Variants in GPATCH2 observed in about 807,000 individuals in gnomAD.
The protein encoded by GPATCH2 is G-patch domain containing 2.
In GPATCH2, 51 loss-of-function variants were observed where a neutral mutation model predicts 58.0. The ratio of observed to expected loss-of-function variants is 0.88; its 90% CI spans 0.70 to 1.11. The LOEUF is 1.11. GPATCH2 is among the 50% of genes most tolerant of loss of function. The probability of loss-of-function intolerance (pLI) is 0.00; values close to 1 mark genes in which losing one functional copy is unlikely to be tolerated. For missense variants in GPATCH2, 625 were observed against 652.2 expected (o/e 0.96, Z 0.45); for synonymous variants, 222 against 218.5 (o/e 1.02, Z -0.14).
intron 8 of GPATCH2, among the ~76,000 whole-genome samples, chr1:217,480,124 C>T (rs927683924): frequency 7.2e-5 from 11 of 151,894 alleles, no homozygotes; most frequent in African/African-American, 2.7e-4. Flanking sequence ...GCAACCAAAG[C>T]AAAAATGGAC....
At chr1:217,463,982 T>C (rs1193270740) in intron 8 of GPATCH2, among the ~76,000 whole-genome samples, 4 of 152,134 alleles carry the variant, frequency 2.6e-5, no homozygotes, top group African/African-American at 4.8e-5. Context: ...AGGCACTTAA[T>C]GGTGTGTGAA....
At chr1:217,630,858 G>A in intron 1 of GPATCH2, 58 bp downstream of exon 1, 1 of 1,272,598 alleles carries the variant, frequency 7.9e-7, no homozygotes, top group Non-Finnish European at 1.1e-6. Context: ...CCAGCGGAGC[G>A]GCCTCGGGCA....
chr1:217,529,277 C>T (rs140318001), intron 5 of GPATCH2, among the ~76,000 whole-genome samples: 145 of 152,250 alleles, frequency 9.5e-4, no homozygotes, highest in Middle Eastern at 3.4e-3. Context: ...TTTGTCCCCA[C>T]CAAAACTTAT....
At chr1:217,453,161 C>T (rs549343194) in intron 8 of GPATCH2, among the ~76,000 whole-genome samples, 9 of 152,292 alleles carry the variant, frequency 5.9e-5, no homozygotes, top group Admixed American at 4.6e-4. Context: ...CAAAGCAGAA[C>T]ATTTGGAATA....
At chr1:217,505,962 A>G (rs1168315214) in intron 6 of GPATCH2, among the ~76,000 whole-genome samples, 1 of 152,208 alleles carries the variant, frequency 6.6e-6, no homozygotes, top group Admixed American at 6.5e-5. Context: ...GGTTGGGATT[A>G]CAGGCATGTG....
chr1:217,512,803 T>C (rs1662918782), intron 6 of GPATCH2, among the ~76,000 whole-genome samples: 1 of 152,154 alleles, frequency 6.6e-6, no homozygotes, highest in East Asian at 1.9e-4. Context: ...CAACAAGAAA[T>C]GGGCTGATAA....
chr1:217,618,349 C>T (rs753547152), intron 2 of GPATCH2, among the ~76,000 whole-genome samples: 1 of 151,088 alleles, frequency 6.6e-6, no homozygotes, highest in South Asian at 2.1e-4. Context: ...AGCTGGGACT[C>T]GGCGCACATC....
At chr1:217,512,275 T>G (rs1216363020) in intron 6 of GPATCH2, among the ~76,000 whole-genome samples, 1 of 152,084 alleles carries the variant, frequency 6.6e-6, no homozygotes, top group Non-Finnish European at 1.5e-5. Flanking sequence ...TGAGCCATGA[T>G]AGTGATTGCA....
intron 5 of GPATCH2, among the ~76,000 whole-genome samples, chr1:217,537,014 T>C (rs894470945): frequency 2.0e-5 from 3 of 152,008 alleles, no homozygotes; most frequent in Non-Finnish European, 4.4e-5. Context: ...AACAGACATA[T>C]GAGCTTTGAT....
At chr1:217,556,587 C>T (rs1665635968) in intron 5 of GPATCH2, among the ~76,000 whole-genome samples, 1 of 151,976 alleles carries the variant, frequency 6.6e-6, no homozygotes, top group Admixed American at 6.6e-5. Flanking sequence ...ATGAATATAC[C>T]ACAATTTATC....
intron 5 of GPATCH2, among the ~76,000 whole-genome samples, chr1:217,551,000 T>C (rs896068130): frequency 6.6e-6 from 1 of 151,884 alleles, no homozygotes; most frequent in Non-Finnish European, 1.5e-5. Flanking sequence ...CAGATGATTT[T>C]TCATATGCTT....
chr1:217,566,620 C>T (rs1489570925), intron 5 of GPATCH2, among the ~76,000 whole-genome samples: 2 of 152,140 alleles, frequency 1.3e-5, no homozygotes, highest in African/African-American at 4.8e-5. Context: ...TGGAAAATAT[C>T]CATTCCTTTG....
At chr1:217,444,146 T>C (rs1659272769) in intron 9 of GPATCH2, among the ~76,000 whole-genome samples, 1 of 152,152 alleles carries the variant, frequency 6.6e-6, no homozygotes, top group Non-Finnish European at 1.5e-5. Flanking sequence ...TTCAGAGAGT[T>C]TTCTATTTGG....
At position 217,611,091 on chromosome 1, in the gene GPATCH2, C is replaced by G. The variant is rs766389627; in HGVS notation, c.836-20G>C. 1.2e-5 allele frequency: 19 copies of G among 1,582,970 alleles called. No homozygotes were observed. In the Admixed American group the frequency reaches 1.6e-4, roughly 13 times the overall value. On this transcript the variant is annotated intron_variant, in intron 3 of 9. Transcript: ENST00000366935. ...CATCACCTGTGCAAATACAAGAAAC[C>G]CCCCCCCACCAAAGACTCAGTTTTA...
chr1:217,583,890 GAA>G (rs1342360813), intron 5 of GPATCH2, among the ~76,000 whole-genome samples: 1 of 151,916 alleles, frequency 6.6e-6, no homozygotes, highest in Non-Finnish European at 1.5e-5. Context: ...AAAATGTTGA[GAA>G]AAATTATTTA....
chr1:217,575,918 A>G (rs987136397), intron 5 of GPATCH2, among the ~76,000 whole-genome samples: 1 of 152,116 alleles, frequency 6.6e-6, no homozygotes, highest in Non-Finnish European at 1.5e-5. Flanking sequence ...TCCAAACCTA[A>G]TAGCTTCAAG....
chr1:217,482,383 G>A (rs1281665929), intron 8 of GPATCH2, among the ~76,000 whole-genome samples: 1 of 152,136 alleles, frequency 6.6e-6, no homozygotes, highest in Non-Finnish European at 1.5e-5. Flanking sequence ...TGGTACTGGT[G>A]GACAGTGGAC....
chr1:217,561,679 C>T (rs1231907569), intron 5 of GPATCH2, among the ~76,000 whole-genome samples: 2 of 152,172 alleles, frequency 1.3e-5, no homozygotes, highest in Non-Finnish European at 2.9e-5. Context: ...ATGTGGTTAT[C>T]TAGAGCCTGG....
intron 8 of GPATCH2, among the ~76,000 whole-genome samples, chr1:217,459,349 G>T (rs1660097445): frequency 6.6e-6 from 1 of 152,176 alleles, no homozygotes; most frequent in African/African-American, 2.4e-5. Flanking sequence ...CCTCTTTGGG[G>T]AAATTGAGGA....
Sources: allele counts gnomAD v4.1 joint callset (sites outside exome capture counted in the v4.1 genomes callset), GRCh38; gene constraint gnomAD v4.1.1; transcripts MANE v1.5; gene names NCBI Gene and HGNC (gene_info 2026-07-23, HGNC 2026-07-21).